The following UTRN variants were observed in gnomAD, a reference collection of about 807,000 sequenced individuals.
UTRN encodes utrophin, also known as dystrophin-related protein 1.
Under a neutral mutation model 463.9 loss-of-function variants are expected in UTRN, and 283 were observed. The observed-to-expected ratio is 0.61, with a 90% CI of 0.55 to 0.67. The LOEUF (loss-of-function observed/expected upper bound fraction) is 0.67. Ranked by LOEUF, UTRN falls within the 30% of genes least tolerant of loss-of-function variation. The probability of loss-of-function intolerance (pLI) is 0.00; values close to 1 mark genes in which losing one functional copy is unlikely to be tolerated. For synonymous variants in UTRN, 1,442 were observed against 1,431.5 expected (o/e 1.01, Z -0.17); for missense variants, 3,922 against 4,084.3 (o/e 0.96, Z 1.08).
chr6:144,735,575 GTTT>G lies in UTRN; in HGVS notation c.7939+5094_7939+5096del, dbSNP rs568239280. 2.2e-4 allele frequency among the ~76,000 whole-genome samples: 33 copies of G among 152,132 alleles called. 1 individual carries two copies. The East Asian group carries it at 6.0e-3, about 28-fold the overall frequency. On this transcript the variant is annotated intron_variant, in intron 54 of 74. Coordinates refer to ENST00000367545, the MANE Select transcript of UTRN (RefSeq NM_007124.3). ...AGAAAGAAGGTGCTAGTACAGTTTT[GTTT>G]TTTTAAGCTTGGGGAAAAAAATAAG... is the stretch of plus-strand genomic sequence containing the variant.
At chr6:144,472,867 A>G (rs1790807505) in intron 23 of UTRN, among the ~76,000 whole-genome samples, 1 of 151,008 alleles carries the variant, frequency 6.6e-6, no homozygotes, top group African/African-American at 2.4e-5. Flanking sequence ...TCCCAGTTTC[A>G]AGCTATTCTC....
At chr6:144,388,408 G>C (rs1383653605) in intron 2 of UTRN, among the ~76,000 whole-genome samples, 1 of 151,974 alleles carries the variant, frequency 6.6e-6, no homozygotes, top group Non-Finnish European at 1.5e-5. Context: ...AAACTCCTGG[G>C]TTCAAGCGAT....
At position 144,539,370 on chromosome 6, in the gene UTRN, A is replaced by G. The variant is rs759033333; in HGVS notation, c.6446A>G (p.Asp2149Gly). The G allele has an allele frequency of 6.2e-7, 1 of 1,613,576 alleles. No individual in the cohort carries two copies. The highest frequency in any genetic ancestry group is 1.7e-5 in the Admixed American group (1 of 60,010). ...LNRTELEMLS[D>G]KSLSLPERDK... The stretch of plus-strand genomic sequence containing the variant: ...AGAACTGAATTGGAGATGCTTTCAG[A>G]TAAAAGTCTGAGTTTACCTGAAAGG... Residue 2149 changes from aspartate (D) to glycine (G), a missense_variant, in exon 45 of 75, where the codon GAT becomes GGT. By Grantham distance (94) the Asp-to-Gly change is moderately conservative (BLOSUM62 -1). Transcript: ENST00000367545.
intron 58 of UTRN, among the ~76,000 whole-genome samples, chr6:144,761,863 T>A (rs1490518631): frequency 6.6e-6 from 1 of 152,098 alleles, no homozygotes; most frequent in East Asian, 1.9e-4. Context: ...AAGCTTTGGG[T>A]TCGGTTGAAC....
intron 3 of UTRN, among the ~76,000 whole-genome samples, chr6:144,416,785 C>A (rs1467555919): frequency 1.3e-5 from 2 of 152,054 alleles, no homozygotes; most frequent in Non-Finnish European, 2.9e-5. Flanking sequence ...TCATTTATAC[C>A]ATTTTGTATT....
At chr6:144,346,684 G>A (rs565755507) in intron 2 of UTRN, among the ~76,000 whole-genome samples, 1 of 152,262 alleles carries the variant, frequency 6.6e-6, no homozygotes, top group East Asian at 1.9e-4. Flanking sequence ...TTAGCTGGGT[G>A]TGGTGGTGGG....
chr6:144,366,152 G>A (rs1271093754), intron 2 of UTRN, among the ~76,000 whole-genome samples: 1 of 152,204 alleles, frequency 6.6e-6, no homozygotes, highest in Non-Finnish European at 1.5e-5. Context: ...TATAAAAGTT[G>A]ATGTGTTAAA....
rs77205093 is a variant in UTRN, at chr6:144,510,969, G to T, written c.4790G>T (p.Arg1597Ile). 364 of 1,603,410 alleles carry T rather than the reference G, an allele frequency of 2.3e-4. 2 individuals are homozygous for T. In the East Asian group the frequency reaches 7.9e-3, roughly 35 times the overall value. Residue 1597 changes from arginine (R) to isoleucine (I), a missense_variant, in exon 35 of 75, where the codon AGA becomes ATA. By Grantham distance (97) the Arg-to-Ile change is moderately conservative (BLOSUM62 -3). Coordinates refer to ENST00000367545, the MANE Select transcript of UTRN (RefSeq NM_007124.3). ...AKNVLKDLEK[R>I]KADLNTITES... ...AATGTTCTGAAGGATCTGGAAAAGA[G>T]AAAAGCTGATTTAAATACCATCACA...
chr6:144,519,410 A>G (rs957223887), intron 39 of UTRN, among the ~76,000 whole-genome samples: 1 of 152,170 alleles, frequency 6.6e-6, no homozygotes, highest in Admixed American at 6.5e-5. Context: ...AAACTTAGAA[A>G]TTTAATAAAA....
Position 144,516,926 on chromosome 6 carries a change from A to G in UTRN, c.5519A>G (p.His1840Arg), listed in dbSNP as rs978275365. The G allele has an allele frequency of 2.7e-6, 4 of 1,486,674 alleles. No homozygotes were observed. Among genetic ancestry groups the G allele is most frequent in the South Asian group, 1.4e-5 (1 of 69,492 alleles). The allele number at this position is 1,486,674 out of a possible 1,614,324, so 92.1% of individuals were successfully genotyped here. A position where few individuals can be genotyped will look rare whatever the true frequency, so the allele number is the denominator to read the frequency against. ...EKIRLQLLLLHTRYNKIKAIP... is the reference protein window; with the variant it reads ...EKIRLQLLLLRTRYNKIKAIP... ...ATCCGTTTGCAATTATTACTTTTGC[A>G]TACTAGATACAACAAAATTAAGGTA... The change falls in exon 39 of 75, where the codon CAT becomes CGT. Residue 1840 changes from histidine to arginine, a missense_variant. Physicochemically the swap from His to Arg is conservative, Grantham distance 29. Around this residue, in one of 3 missense-constraint regions of UTRN, gnomAD observed 2,349 missense variants for 2,303.8 expected, o/e 1.02. Transcript: ENST00000367545.
At chr6:144,708,936 A>G (rs932932405) in intron 53 of UTRN, among the ~76,000 whole-genome samples, 3 of 152,190 alleles carry the variant, frequency 2.0e-5, no homozygotes, top group Non-Finnish European at 4.4e-5. Flanking sequence ...GAGAGCGTTC[A>G]TGACAGAGAG....
At chr6:144,695,462 G>T (rs1213056168) in intron 52 of UTRN, among the ~76,000 whole-genome samples, 1 of 151,072 alleles carries the variant, frequency 6.6e-6, no homozygotes, top group Non-Finnish European at 1.5e-5. Context: ...TCCTGCCTCA[G>T]CCTCCCAAGT....
chr6:144,740,256 C>T (rs1186128568), intron 54 of UTRN, among the ~76,000 whole-genome samples: 4 of 152,280 alleles, frequency 2.6e-5, no homozygotes, highest in African/African-American at 9.6e-5. Context: ...ATAGAAACAA[C>T]ATTTTATTTT....
chr6:144,318,033 A>G (rs968983799), intron 2 of UTRN, among the ~76,000 whole-genome samples: 1 of 150,090 alleles, frequency 6.7e-6, no homozygotes, highest in African/African-American at 2.4e-5. Flanking sequence ...TTTGAGTTTC[A>G]TTTTCGGCTT....
At chr6:144,549,700 AT>A (rs1798729531) in intron 47 of UTRN, among the ~76,000 whole-genome samples, 1 of 152,188 alleles carries the variant, frequency 6.6e-6, no homozygotes, top group Admixed American at 6.5e-5. Flanking sequence ...ACTGTGTGGG[AT>A]TTTGGCATCT....
chr6:144,381,869 T>G (rs1259030757), intron 2 of UTRN, among the ~76,000 whole-genome samples: 1 of 152,190 alleles, frequency 6.6e-6, no homozygotes, highest in African/African-American at 2.4e-5. Flanking sequence ...TAATACATAC[T>G]CAGTAATGGG....
chr6:144,523,293 T>C, intron 41 of UTRN, 105 bp downstream of exon 41: 1 of 915,402 alleles, frequency 1.1e-6, no homozygotes, highest in East Asian at 3.1e-5. Flanking sequence ...ATGTTTCATA[T>C]CCTTGTAGGA....
rs777566576 is a variant in UTRN at position 144,789,194 on chromosome 6, G to T, written c.8835G>T (p.Thr2945=). Residue 2945 remains threonine, a splice_region_variant and synonymous_variant, in exon 62 of 75, where the codon ACG becomes ACT. Transcript: ENST00000367545. ...CLNWLLNVYD[T]GRTGKIRVQS... ...CACATTAACATTCTTATAATTTTAG[G>T]GGTCGAACTGGAAAAATTAGAGTGC... 1.9e-6 allele frequency: 3 copies of T among 1,611,860 alleles called. No homozygotes were observed. The highest frequency in any genetic ancestry group is 2.5e-6 in the Non-Finnish European group (3 of 1,178,784).
At chr6:144,311,959 A>G (rs185787572) in intron 2 of UTRN, 9 of 152,344 alleles carry the variant, frequency 5.9e-5, no homozygotes, top group East Asian at 3.9e-4. Context: ...TCTTCTGTAG[A>G]AATACTTTAG....
Sources: gnomAD v4.1 joint callset for allele counts (sites outside exome capture counted in the v4.1 genomes callset) on GRCh38, gnomAD v4.1.1 for gene constraint, gnomAD v4.1.1 regional missense constraint, MANE v1.5 for transcripts, NCBI Gene and HGNC (gene_info 2026-07-23, HGNC 2026-07-21) for gene names.